SOBP: variants seen among roughly 807,000 people sequenced by gnomAD.
SOBP encodes sine oculis binding protein homolog.
SOBP carries 4 observed loss-of-function variants against 53.6 expected under a neutral mutation model. That is an observed-to-expected ratio of 0.07 (90% confidence interval 0.04 to 0.17). SOBP has a LOEUF of 0.17. SOBP is among the 10% of genes least tolerant of loss of function. The pLI is 1.00. For missense variants in SOBP, 1,088 were observed against 1,204.7 expected, an observed-to-expected ratio of 0.90 and a Z score of 1.43; for synonymous variants, 584 against 522.6, an observed-to-expected ratio of 1.12 and a Z score of -1.60.
chr6:107,508,399 A>T lies in SOBP; in HGVS notation c.421+1972A>T, dbSNP rs1783057294. On this transcript the variant is annotated intron_variant, in intron 3 of 6. Coordinates refer to ENST00000317357, the MANE Select transcript of SOBP (RefSeq NM_018013.4). The stretch of plus-strand genomic sequence containing the variant: ...TTCAAGACTAGCCAGGCCAACATGG[A>T]GAAACCCCGTCTCTACTAAAACTGC... 1.3e-5 allele frequency among the ~76,000 whole-genome samples: 2 copies of T among 152,080 alleles called. 1 individual carries two copies. Among genetic ancestry groups the T allele is most frequent in the South Asian group, 4.1e-4 (2 of 4,822 alleles).
At chr6:107,498,995 CCT>C (rs1470721121) in intron 1 of SOBP, among the ~76,000 whole-genome samples, 3 of 152,076 alleles carry the variant, frequency 2.0e-5, no homozygotes, top group Non-Finnish European at 4.4e-5. Context: ...TTTGAGCACC[CCT>C]GTTAAGGAAA....
intron 4 of SOBP, among the ~76,000 whole-genome samples, chr6:107,535,055 A>G (rs557128236): frequency 6.6e-6 from 1 of 152,302 alleles, no homozygotes; most frequent in African/African-American, 2.4e-5. Context: ...TGGCTATAGA[A>G]CAGGGCTTTT....
chr6:107,495,933 G>A (rs912401321), intron 1 of SOBP, among the ~76,000 whole-genome samples: 1 of 151,856 alleles, frequency 6.6e-6, no homozygotes, highest in Non-Finnish European at 1.5e-5. Flanking sequence ...GTACTCTCAA[G>A]CTAATAAGAT....
chr6:107,612,991 T>C (rs756761284), intron 5 of SOBP, among the ~76,000 whole-genome samples: 31 of 152,386 alleles, frequency 2.0e-4, no homozygotes, highest in South Asian at 1.0e-3. Flanking sequence ...CATTCATCTG[T>C]TGATGGATGC....
chr6:107,589,442 G>A (rs1785673164), intron 5 of SOBP, among the ~76,000 whole-genome samples: 1 of 152,168 alleles, frequency 6.6e-6, no homozygotes, highest in Non-Finnish European at 1.5e-5. Context: ...GGAAGAGGGA[G>A]GAATATTAAG....
intron 3 of SOBP, among the ~76,000 whole-genome samples, chr6:107,523,559 C>T (rs986737486): frequency 3.9e-5 from 6 of 152,206 alleles, no homozygotes; most frequent in Non-Finnish European, 7.3e-5. Flanking sequence ...TCTCTGAGTG[C>T]TTGGGCCCTC....
At chr6:107,629,356 G>A (rs1770604696) in intron 5 of SOBP, among the ~76,000 whole-genome samples, 1 of 151,726 alleles carries the variant, frequency 6.6e-6, no homozygotes, top group African/African-American at 2.4e-5. Context: ...GAAGGCAGTG[G>A]TGGATTCCAT....
At chr6:107,544,684 T>G (rs990892020) in intron 4 of SOBP, among the ~76,000 whole-genome samples, 6 of 152,248 alleles carry the variant, frequency 3.9e-5, no homozygotes, top group Non-Finnish European at 7.3e-5. Flanking sequence ...GGCATTGATA[T>G]GCGCTTTCTT....
chr6:107,514,885 TA>T (rs1197305246), intron 3 of SOBP: 8 of 152,234 alleles, frequency 5.3e-5, no homozygotes, highest in African/African-American at 1.7e-4. Flanking sequence ...GCAAACTGCA[TA>T]TATGTATAGT....
At chr6:107,629,355 G>A (rs1663313220) in intron 5 of SOBP, among the ~76,000 whole-genome samples, 1 of 151,790 alleles carries the variant, frequency 6.6e-6, no homozygotes, top group African/African-American at 2.4e-5. Context: ...AGAAGGCAGT[G>A]GTGGATTCCA....
At chr6:107,630,750 GTCTCTCTC>G (rs60388300) in intron 5 of SOBP, among the ~76,000 whole-genome samples, 83,024 of 148,548 alleles carry the variant, frequency 0.56, 24,716 homozygotes, top group Middle Eastern at 0.76. Flanking sequence ...CACACACTCT[GTCTCTCTC>G]TCTCTCTCTC....
At chr6:107,559,341 T>C (rs1444795087) in intron 4 of SOBP, among the ~76,000 whole-genome samples, 1 of 152,212 alleles carries the variant, frequency 6.6e-6, no homozygotes, top group Non-Finnish European at 1.5e-5. Flanking sequence ...ATACAGAAGA[T>C]GTGGAGGCTG....
intron 1 of SOBP, 22 bp from the exon 2 acceptor site, chr6:107,503,635 G>A (rs1290673689): frequency 6.2e-7 from 1 of 1,613,430 alleles, no homozygotes; most frequent in South Asian, 1.1e-5. Context: ...GAAATAAGTA[G>A]TAGCCTATGC....
intron 5 of SOBP, among the ~76,000 whole-genome samples, chr6:107,619,368 G>A (rs1786918865): frequency 6.6e-6 from 1 of 152,294 alleles, no homozygotes; most frequent in Admixed American, 6.5e-5. Context: ...GGAAACTCTG[G>A]ATGAATGAAG....
chr6:107,610,520 G>T (rs891514085), intron 5 of SOBP, among the ~76,000 whole-genome samples: 1 of 152,196 alleles, frequency 6.6e-6, no homozygotes, highest in Non-Finnish European at 1.5e-5. Context: ...GTGCCACATG[G>T]CTACCATGCA....
At chr6:107,625,512 C>A (rs1039463543) in intron 5 of SOBP, among the ~76,000 whole-genome samples, 1 of 152,156 alleles carries the variant, frequency 6.6e-6, no homozygotes. Flanking sequence ...AGAAAGTGGG[C>A]TAAGGTAGTG....
At chr6:107,539,739 A>C (rs1297632968) in intron 4 of SOBP, among the ~76,000 whole-genome samples, 1 of 152,180 alleles carries the variant, frequency 6.6e-6, no homozygotes, top group Non-Finnish European at 1.5e-5. Context: ...TTTATTTGGG[A>C]CGAACATTCT....
At chr6:107,617,774 G>T (rs1238356885) in intron 5 of SOBP, among the ~76,000 whole-genome samples, 1 of 149,918 alleles carries the variant, frequency 6.7e-6, no homozygotes, top group Non-Finnish European at 1.5e-5. Context: ...CTCTCTTAAA[G>T]TGCCTGGCAA....
At chr6:107,520,986 T>C (rs936433305) in intron 3 of SOBP, among the ~76,000 whole-genome samples, 1 of 150,754 alleles carries the variant, frequency 6.6e-6, no homozygotes, top group African/African-American at 2.4e-5. Context: ...GGATAATTGG[T>C]TTGGGCTGTC....
Sources: gnomAD v4.1 joint callset for allele counts (sites outside exome capture counted in the v4.1 genomes callset) on GRCh38, gnomAD v4.1.1 for gene constraint, MANE v1.5 for transcripts, NCBI Gene and HGNC (gene_info 2026-07-23, HGNC 2026-07-21) for gene names.